Variants in UTP18 observed in about 807,000 individuals in gnomAD.
UTP18 encodes U3 small nucleolar RNA-associated protein 18 homolog.
A neutral mutation model predicts 61.1 loss-of-function variants in UTP18; 36 were observed. That is an observed-to-expected ratio of 0.59 (90% confidence interval 0.45 to 0.78). The LOEUF is 0.78. UTP18 is among the 30% of genes least tolerant of loss of function. The probability of loss-of-function intolerance (pLI) is 0.00; values close to 1 mark genes in which losing one functional copy is unlikely to be tolerated. For missense variants in UTP18, 753 were observed against 693.9 expected (o/e 1.09, Z -0.96); for synonymous variants, 282 against 251.1 (o/e 1.12, Z -1.16).
intron 7 of UTP18, among the ~76,000 whole-genome samples, chr17:51,279,542 T>A (rs1290344099): frequency 6.6e-6 from 1 of 152,118 alleles, no homozygotes; most frequent in Non-Finnish European, 1.5e-5. Context: ...AAGATGAGAT[T>A]CCTGTCCATC....
intron 2 of UTP18, among the ~76,000 whole-genome samples, chr17:51,263,932 T>TA (rs565155534): frequency 1.8e-4 from 28 of 151,890 alleles, no homozygotes; most frequent in African/African-American, 6.5e-4. Flanking sequence ...TCTCCCTACT[T>TA]AAAAAAAATA....
chr17:51,289,372 T>TA (rs1491497668), intron 11 of UTP18, among the ~76,000 whole-genome samples: 8 of 19,638 alleles, frequency 4.1e-4, no homozygotes, highest in Non-Finnish European at 5.8e-4. Context: ...CATTTTTGTA[T>TA]TTTTTTTTTT....
intron 7 of UTP18, among the ~76,000 whole-genome samples, chr17:51,278,572 C>A (rs568943783): frequency 6.6e-6 from 1 of 152,274 alleles, no homozygotes; most frequent in East Asian, 1.9e-4. Flanking sequence ...GGAGACATGG[C>A]ATTGATCTTT....
intron 7 of UTP18, among the ~76,000 whole-genome samples, chr17:51,278,075 G>A (rs1904791055): frequency 6.6e-6 from 1 of 152,110 alleles, no homozygotes; most frequent in African/African-American, 2.4e-5. Flanking sequence ...AAGTGGATGG[G>A]GCCAACTTTA....
At chr17:51,296,876 A>G in intron 12 of UTP18, 89 bp from the exon 13 acceptor site, 1 of 1,285,192 alleles carries the variant, frequency 7.8e-7, no homozygotes, top group Middle Eastern at 1.9e-4. Context: ...TTCCCACTAA[A>G]ATCTTCCTAA....
At chr17:51,273,610 T>TC (rs397824294) in intron 5 of UTP18, among the ~76,000 whole-genome samples, 160 bp downstream of exon 5, 3 of 151,246 alleles carry the variant, frequency 2.0e-5, no homozygotes, top group Admixed American at 1.3e-4. Context: ...TTTTTTTTTT[T>TC]CCTTTTGCAA....
intron 2 of UTP18, among the ~76,000 whole-genome samples, chr17:51,263,701 A>G (rs547552901): frequency 1.9e-4 from 29 of 152,182 alleles, no homozygotes; most frequent in Admixed American, 1.8e-3. Flanking sequence ...TGGAACCTAC[A>G]TTTTTTCCTT....
At chr17:51,269,040 G>A (rs1904409974) in intron 4 of UTP18, 136 bp downstream of exon 4, 2 of 814,812 alleles carry the variant, frequency 2.5e-6, no homozygotes, top group Middle Eastern at 2.6e-4. Context: ...TCATCCCAGT[G>A]CTTTGGGAGC....
intron 4 of UTP18, among the ~76,000 whole-genome samples, chr17:51,269,845 G>GTA (rs2144402531): frequency 6.6e-6 from 1 of 150,840 alleles, no homozygotes; most frequent in East Asian, 2.0e-4. Context: ...TGTATTGTGT[G>GTA]TGTGTGTGTG....
At position 51,280,455 on chromosome 17, in the gene UTP18, A is replaced by G; in HGVS notation, c.1180A>G (p.Ser394Gly). ...RVAASTFSSDSKKVYASSGDG... is the reference protein window; with the variant it reads ...RVAASTFSSDGKKVYASSGDG... ...TGCAGCATCCACATTCTCTTCAGAT[A>G]GTAAGAAAGTATACGCCTCTTCGGG... is the stretch of plus-strand genomic sequence containing the variant. Residue 394 changes from serine to glycine, a missense_variant, in exon 9 of 14, where the codon AGT (serine) becomes GGT (glycine). By Grantham distance (56) the Ser-to-Gly change is moderately conservative. Transcript: ENST00000225298. The G allele has an allele frequency of 6.2e-7, 1 of 1,614,182 alleles. No individual in the cohort carries two copies.
intron 11 of UTP18, chr17:51,288,616 T>C (rs914318397): frequency 4.8e-5 from 22 of 456,216 alleles, no homozygotes; most frequent in African/African-American, 3.6e-4. Context: ...AAAATTAAAT[T>C]GTATAAAAGT....
chr17:51,264,231 TA>T (rs1440642964), intron 2 of UTP18, among the ~76,000 whole-genome samples: 1 of 152,010 alleles, frequency 6.6e-6, no homozygotes, highest in Non-Finnish European at 1.5e-5. Flanking sequence ...GAGACAGAGT[TA>T]GACGGAGTTT....
At chr17:51,270,477 A>G (rs1904491657) in intron 4 of UTP18, among the ~76,000 whole-genome samples, 1 of 152,136 alleles carries the variant, frequency 6.6e-6, no homozygotes, top group African/African-American at 2.4e-5. Flanking sequence ...AATTTTGGGT[A>G]TGGTTATGCT....
At chr17:51,281,976 T>C (rs1182425230) in intron 9 of UTP18, among the ~76,000 whole-genome samples, 1 of 152,260 alleles carries the variant, frequency 6.6e-6, no homozygotes, top group Non-Finnish European at 1.5e-5. Flanking sequence ...ATTATTGTCC[T>C]TCCTGACATT....
Position 51,266,228 on chromosome 17 carries a change from G to A in UTP18, c.502G>A (p.Ala168Thr). 6.2e-7 allele frequency: 1 copy of A among 1,600,826 alleles called. No individual in the cohort carries two copies. Among genetic ancestry groups the A allele is most frequent in the East Asian group, 2.3e-5 (1 of 43,824 alleles). The change falls in exon 3 of 14, where the codon GCT becomes ACT. Residue 168 changes from alanine to threonine, a missense_variant. Physicochemically the swap from Ala to Thr is moderately conservative, Grantham distance 58. Transcript: ENST00000225298. ...GTTTCGGAAGGATATGATGAAAAAT[G>A]CTAGTGAAAGTAAACTTTCGAAAGA... is the stretch of plus-strand genomic sequence containing the variant. The part of the protein sequence containing the change: ...NRFRKDMMKN[A>T]SESKLSKDNL...
At chr17:51,297,578 A>G (rs541362240) in intron 13 of UTP18, among the ~76,000 whole-genome samples, 1 of 152,342 alleles carries the variant, frequency 6.6e-6, no homozygotes, top group African/African-American at 2.4e-5. Flanking sequence ...TCAGAGATTA[A>G]TGAATGTTGA....
At chr17:51,297,043 G>A (rs1905386145) in intron 13 of UTP18, 40 bp downstream of exon 13, 1 of 1,550,932 alleles carries the variant, frequency 6.4e-7, no homozygotes. Flanking sequence ...CAGGTTTTAA[G>A]ATACACCCAT....
intron 6 of UTP18, 96 bp from the exon 7 acceptor site, chr17:51,277,034 G>T: frequency 7.6e-7 from 1 of 1,316,840 alleles, no homozygotes; most frequent in Non-Finnish European, 1.0e-6. Context: ...CCTTGGATAT[G>T]TATTTTTAAA....
chr17:51,269,891 G>A (rs1904457189), intron 4 of UTP18, among the ~76,000 whole-genome samples: 1 of 150,976 alleles, frequency 6.6e-6, no homozygotes, highest in South Asian at 2.1e-4. Flanking sequence ...ATCTCACTCT[G>A]TCACCCAGGG....
Sources: gnomAD v4.1 joint callset for allele counts (sites outside exome capture counted in the v4.1 genomes callset) on GRCh38, gnomAD v4.1.1 for gene constraint, MANE v1.5 for transcripts, NCBI Gene and HGNC (gene_info 2026-07-23, HGNC 2026-07-21) for gene names.